Variants in GARNL3 observed in about 807,000 individuals in gnomAD.
GARNL3 encodes GTPase-activating Rap/Ran-GAP domain-like protein 3.
Under a neutral mutation model 125.0 loss-of-function variants are expected in GARNL3, and 63 were observed. The observed-to-expected ratio is 0.50, with a 90% CI of 0.41 to 0.62. The LOEUF is 0.62. Among genes scored for constraint, GARNL3 ranks in the 20% least tolerant of loss-of-function variants. The probability of loss-of-function intolerance (pLI) is 0.00; values close to 1 mark genes in which losing one functional copy is unlikely to be tolerated. For synonymous variants in GARNL3, 439 were observed against 457.5 expected, an observed-to-expected ratio of 0.96 and a Z score of 0.52; for missense variants, 994 against 1,244.0, an observed-to-expected ratio of 0.80 and a Z score of 3.02.
chr9:127,340,303 T>C (rs1829794717), intron 13 of GARNL3, among the ~76,000 whole-genome samples: 1 of 152,178 alleles, frequency 6.6e-6, no homozygotes, highest in Non-Finnish European at 1.5e-5. Context: ...AATACCCAAA[T>C]ACCCGACTCT....
chr9:127,368,849 C>T (rs936493197), intron 22 of GARNL3, among the ~76,000 whole-genome samples: 4 of 151,884 alleles, frequency 2.6e-5, no homozygotes, highest in African/African-American at 7.3e-5. Context: ...GCAGGAGAAT[C>T]GCTTGAGCCC....
At position 127,335,468 on chromosome 9, in the gene GARNL3, C is replaced by A. The variant is rs577755850; in HGVS notation, c.873+135C>A. On this transcript the variant is annotated intron_variant, in intron 10 of 27. Transcript: ENST00000373387. The stretch of plus-strand genomic sequence containing the variant: ...GCCACCAATTTAGGGATGCTTTTGG[C>A]GGTCTGTATTGGAACTTTCTACAAA... The A allele has an allele frequency of 1.4e-4, 96 of 702,942 alleles. No homozygotes were observed. The South Asian group carries it at 1.6e-3, about 12-fold the overall frequency. 43.5% of individuals were successfully genotyped at this position (702,942 alleles called of 1,614,324 possible).
chr9:127,225,211 G>C (rs1199269819), intron 1 of GARNL3: 1 of 254,806 alleles, frequency 3.9e-6, no homozygotes, highest in South Asian at 1.5e-4. Flanking sequence ...GCCCAGCGAG[G>C]GGAGAGGGGC....
rs535657617 is a variant in GARNL3, at chr9:127,356,823, A to G, written c.1936-396A>G. ...ACAGAATAGTAGCTGTACCTACCTTATAAGTAGGATTCAATGAGAACAGTG... is the reference window on the plus strand; with the variant it reads ...ACAGAATAGTAGCTGTACCTACCTTGTAAGTAGGATTCAATGAGAACAGTG... On this transcript the variant is annotated intron_variant, in intron 20 of 27. Transcript: ENST00000373387. Among the ~76,000 whole-genome samples, 24 of 152,360 alleles carry G rather than the reference A, an allele frequency of 1.6e-4. No individual in the cohort carries two copies. In the South Asian group the frequency reaches 4.8e-3, roughly 30 times the overall value.
intron 2 of GARNL3, among the ~76,000 whole-genome samples, chr9:127,302,840 T>C (rs897188617): frequency 1.3e-5 from 2 of 152,176 alleles, no homozygotes; most frequent in African/African-American, 4.8e-5. Context: ...ACAAAATAGA[T>C]CTATATGTAT....
chr9:127,303,150 C>A (rs1564898773), intron 2 of GARNL3, among the ~76,000 whole-genome samples: 2 of 150,612 alleles, frequency 1.3e-5, no homozygotes, highest in Non-Finnish European at 3.0e-5. Flanking sequence ...GACTCCATCT[C>A]AAAAAAAATA....
At chr9:127,238,209 G>A (rs1015729955) in intron 1 of GARNL3, among the ~76,000 whole-genome samples, 1 of 152,074 alleles carries the variant, frequency 6.6e-6, no homozygotes, top group Non-Finnish European at 1.5e-5. Flanking sequence ...GGCTGATCTC[G>A]AACTCCTGAC....
At chr9:127,319,613 A>G (rs886383508) in intron 5 of GARNL3, among the ~76,000 whole-genome samples, 2 of 152,196 alleles carry the variant, frequency 1.3e-5, no homozygotes, top group Non-Finnish European at 2.9e-5. Context: ...TCTTCTGAGC[A>G]GTTCTAAAGC....
chr9:127,333,310 A>G (rs1829369937), intron 9 of GARNL3, among the ~76,000 whole-genome samples, 189 bp downstream of exon 9: 5 of 152,128 alleles, frequency 3.3e-5, no homozygotes, highest in African/African-American at 9.7e-5. Flanking sequence ...GCTTCGTAAA[A>G]CTAAATCAGC....
intron 7 of GARNL3, 34 bp downstream of exon 7, chr9:127,325,129 C>G (rs1478361551): frequency 1.3e-6 from 2 of 1,594,564 alleles, no homozygotes; most frequent in East Asian, 2.2e-5. Flanking sequence ...TGCACCTGCT[C>G]TGCCTCCATG....
At chr9:127,382,975 A>C (rs1832347018) in intron 22 of GARNL3, among the ~76,000 whole-genome samples, 1 of 152,186 alleles carries the variant, frequency 6.6e-6, no homozygotes, top group Non-Finnish European at 1.5e-5. Context: ...TTGACCGTTC[A>C]CAAGTGTGGG....
chr9:127,225,324 C>T, intron 1 of GARNL3: 16 of 984,182 alleles, frequency 1.6e-5, no homozygotes, highest in Non-Finnish European at 1.8e-5. Flanking sequence ...GGAACCGGAG[C>T]CCGGCGGGGT....
At chr9:127,279,054 A>C (rs1310843253) in intron 1 of GARNL3, among the ~76,000 whole-genome samples, 1 of 152,186 alleles carries the variant, frequency 6.6e-6, no homozygotes, top group African/African-American at 2.4e-5. Flanking sequence ...CTCAGGTTCC[A>C]GGTGGACCTG....
chr9:127,363,250 G>A (rs1217881957), intron 21 of GARNL3: 1 of 152,296 alleles, frequency 6.6e-6, no homozygotes, highest in Non-Finnish European at 1.5e-5. Context: ...TCCAATGCCA[G>A]TGCTGGAGCT....
At chr9:127,320,210 A>C (rs1252052576) in intron 5 of GARNL3, among the ~76,000 whole-genome samples, 1 of 152,174 alleles carries the variant, frequency 6.6e-6, no homozygotes, top group Non-Finnish European at 1.5e-5. Flanking sequence ...AGTAGTCTAG[A>C]AGTTCGTTAT....
chr9:127,390,914 C>A, intron 27 of GARNL3, 147 bp downstream of exon 27: 1 of 757,912 alleles, frequency 1.3e-6, no homozygotes, highest in African/African-American at 1.8e-5. Flanking sequence ...CTCTGAGGGT[C>A]CCCAGACCCT....
intron 1 of GARNL3, among the ~76,000 whole-genome samples, chr9:127,275,980 C>G (rs1200013084): frequency 6.6e-6 from 1 of 152,166 alleles, no homozygotes; most frequent in Non-Finnish European, 1.5e-5. Context: ...TCTCTAAGTT[C>G]TCTTTTTGCT....
chr9:127,255,777 G>T (rs1308170901), intron 2 of GARNL3, among the ~76,000 whole-genome samples: 1 of 152,274 alleles, frequency 6.6e-6, no homozygotes, highest in East Asian at 1.9e-4. Context: ...AGTTTCTTAG[G>T]TCTGGGGTGG....
intron 11 of GARNL3, among the ~76,000 whole-genome samples, chr9:127,337,221 G>T (rs983410477): frequency 3.9e-5 from 6 of 152,096 alleles, no homozygotes; most frequent in African/African-American, 1.2e-4. Context: ...TGGGATTTAG[G>T]ACTAATATTT....
Sources: gnomAD v4.1 joint callset for allele counts (sites outside exome capture counted in the v4.1 genomes callset) on GRCh38, gnomAD v4.1.1 for gene constraint, MANE v1.5 for transcripts, NCBI Gene and HGNC (gene_info 2026-07-23, HGNC 2026-07-21) for gene names.